The following GALNTL6 variants were observed in gnomAD, a reference collection of about 807,000 sequenced individuals.
GALNTL6 encodes the protein polypeptide N-acetylgalactosaminyltransferase like 6, also known as polypeptide N-acetylgalactosaminyltransferase-like 6.
GALNTL6 carries 46 observed loss-of-function variants against 73.7 expected under a neutral mutation model. The ratio of observed to expected loss-of-function variants is 0.62; its 90% confidence interval spans 0.49 to 0.80. GALNTL6 has a LOEUF of 0.80. Ranked by LOEUF, GALNTL6 falls within the 30% of genes least tolerant of loss-of-function variation. GALNTL6 has a pLI of 0.00. For synonymous variants in GALNTL6, 259 were observed against 263.7 expected, an observed-to-expected ratio of 0.98 and a Z score of 0.17; for missense variants, 604 against 755.0, an observed-to-expected ratio of 0.80 and a Z score of 2.34.
chr4:172,066,630 G>C (rs1406631411), intron 2 of GALNTL6, among the ~76,000 whole-genome samples: 1 of 150,196 alleles, frequency 6.7e-6, no homozygotes, highest in Non-Finnish European at 1.5e-5. Context: ...AGTGATACAT[G>C]AACTCATCTC....
At chr4:172,884,900 T>C (rs1579608534) in intron 8 of GALNTL6, among the ~76,000 whole-genome samples, 1 of 152,230 alleles carries the variant, frequency 6.6e-6, no homozygotes, top group Non-Finnish European at 1.5e-5. Flanking sequence ...CTGTATGTTC[T>C]TGATGCCTTT....
chr4:171,976,464 A>G (rs1560867629), intron 2 of GALNTL6, among the ~76,000 whole-genome samples: 1 of 152,244 alleles, frequency 6.6e-6, no homozygotes, highest in Admixed American at 6.5e-5. Context: ...AATAATTTCC[A>G]TGTATAAACA....
At chr4:172,264,848 C>A (rs1738397656) in intron 3 of GALNTL6, among the ~76,000 whole-genome samples, 1 of 150,238 alleles carries the variant, frequency 6.7e-6, no homozygotes, top group South Asian at 2.1e-4. Context: ...TCTCACTTTT[C>A]TTTTTCTTCT....
chr4:171,903,471 C>T (rs1737170139), intron 2 of GALNTL6, among the ~76,000 whole-genome samples: 1 of 152,136 alleles, frequency 6.6e-6, no homozygotes, highest in Non-Finnish European at 1.5e-5. Context: ...GATTAAATCC[C>T]TCACGTGGCT....
At chr4:172,846,523 G>A (rs2111097282) in intron 7 of GALNTL6, among the ~76,000 whole-genome samples, 1 of 151,978 alleles carries the variant, frequency 6.6e-6, no homozygotes, top group Admixed American at 6.5e-5. Flanking sequence ...CCCCCAAATA[G>A]TATTATTCAA....
intron 5 of GALNTL6, among the ~76,000 whole-genome samples, chr4:172,606,697 ATAGT>A (rs1379253604): frequency 1.2e-4 from 13 of 104,884 alleles, no homozygotes; most frequent in Middle Eastern, 5.7e-3. Context: ...GTATATATAT[ATAGT>A]GTGTATATAT....
chr4:172,825,127 T>TTTCC lies in GALNTL6; in HGVS notation c.923+11407_923+11408insCTTC, dbSNP rs1379310180. 3.4e-5 allele frequency among the ~76,000 whole-genome samples: 5 copies of TTTCC among 147,720 alleles called. No homozygotes were observed. In the East Asian group the frequency reaches 1.1e-3, roughly 33 times the overall value. ...CTTTCTTTCTTTCTTTCTTTCTTTCTTTCTTCCTTTCTTTCCTTTTTGGTC... is the reference window on the plus strand; with the variant it reads ...CTTTCTTTCTTTCTTTCTTTCTTTCTTTCCTTCTTCCTTTCTTTCCTTTTTGGTC... On this transcript the variant is annotated intron_variant, in intron 7 of 12. Coordinates refer to ENST00000506823, the MANE Select transcript of GALNTL6 (RefSeq NM_001034845.3).
At chr4:173,010,882 G>A (rs1293538210) in intron 11 of GALNTL6, among the ~76,000 whole-genome samples, 1 of 151,920 alleles carries the variant, frequency 6.6e-6, no homozygotes, top group East Asian at 1.9e-4. Flanking sequence ...TGGGATTACA[G>A]GCATAAGCCA....
At chr4:173,006,113 A>ACATGTGAGT (rs1752269864) in intron 10 of GALNTL6, among the ~76,000 whole-genome samples, 1 of 152,088 alleles carries the variant, frequency 6.6e-6, no homozygotes, top group African/African-American at 2.4e-5. Flanking sequence ...GAGCTGCTCC[A>ACATGTGAGT]CATGTGAGTT....
chr4:172,074,718 G>C (rs944082982), intron 2 of GALNTL6, among the ~76,000 whole-genome samples: 15 of 151,668 alleles, frequency 9.9e-5, no homozygotes, highest in African/African-American at 3.7e-4. Context: ...ACACAATATG[G>C]AAAACAGGGC....
intron 3 of GALNTL6, among the ~76,000 whole-genome samples, chr4:172,296,724 G>A (rs1739690109): frequency 6.6e-6 from 1 of 152,124 alleles, no homozygotes; most frequent in Admixed American, 6.5e-5. Flanking sequence ...AGTATTCCAT[G>A]GTGTATATGT....
intron 5 of GALNTL6, among the ~76,000 whole-genome samples, chr4:172,602,246 A>G (rs774200053): frequency 6.6e-6 from 1 of 152,174 alleles, no homozygotes; most frequent in Non-Finnish European, 1.5e-5. Context: ...GACACCATAC[A>G]GTAATCTACA....
At chr4:172,391,356 TA>T (rs1448305790) in intron 5 of GALNTL6, among the ~76,000 whole-genome samples, 1 of 152,152 alleles carries the variant, frequency 6.6e-6, no homozygotes, top group African/African-American at 2.4e-5. Context: ...TTATTTTTAA[TA>T]GAGATGGGGT....
intron 2 of GALNTL6, among the ~76,000 whole-genome samples, chr4:172,060,802 T>C (rs1283860132): frequency 6.6e-6 from 1 of 152,184 alleles, no homozygotes; most frequent in Non-Finnish European, 1.5e-5. Context: ...AACATTTTTC[T>C]GCGTGGATGA....
chr4:173,021,694 T>C, intron 12 of GALNTL6, 69 bp downstream of exon 12: 2 of 1,535,024 alleles, frequency 1.3e-6, no homozygotes, highest in Non-Finnish European at 1.8e-6. Flanking sequence ...CAGTTTTCTT[T>C]GAAAACACAC....
At chr4:172,754,167 T>G (rs776512529) in intron 5 of GALNTL6, among the ~76,000 whole-genome samples, 18 of 152,206 alleles carry the variant, frequency 1.2e-4, no homozygotes, top group Non-Finnish European at 1.8e-4. Flanking sequence ...TCCATATTCT[T>G]GATATTTTAA....
At chr4:171,884,940 C>T (rs2110917160) in intron 2 of GALNTL6, among the ~76,000 whole-genome samples, 1 of 151,752 alleles carries the variant, frequency 6.6e-6, no homozygotes. Context: ...GTCTGTAATC[C>T]CAGCTACTCG....
rs1741870245 is a variant in GALNTL6 at position 172,820,627 on chromosome 4, A to ATTCTC, written c.923+6906_923+6910dup. Among the ~76,000 whole-genome samples the ATTCTC allele has an allele frequency of 4.6e-5, 7 of 152,214 alleles. No individual in the cohort carries two copies. The South Asian group carries it at 1.5e-3, about 32-fold the overall frequency. Reference sequence around the variant, plus strand: ...TTAGATACTGTTCATTCTCCCTTTTATTCTCTCCCATCCCTATTAGGACAA... The same window carrying ATTCTC: ...TTAGATACTGTTCATTCTCCCTTTTATTCTCTTCTCTCCCATCCCTATTAGGACAA... On this transcript the variant is annotated intron_variant, in intron 7 of 12. Coordinates refer to ENST00000506823, the MANE Select transcript of GALNTL6 (RefSeq NM_001034845.3).
intron 3 of GALNTL6, among the ~76,000 whole-genome samples, chr4:172,243,875 G>T (rs1737534523): frequency 1.3e-5 from 2 of 152,080 alleles, no homozygotes; most frequent in South Asian, 4.2e-4. Flanking sequence ...GCACCATTTG[G>T]GTGAGACTGA....
Sources: allele counts gnomAD v4.1 joint callset (sites outside exome capture counted in the v4.1 genomes callset), GRCh38; gene constraint gnomAD v4.1.1; transcripts MANE v1.5; gene names NCBI Gene and HGNC (gene_info 2026-07-23, HGNC 2026-07-21).